Variants in PIGS observed in about 807,000 individuals in gnomAD.
The protein encoded by PIGS is GPI-anchor transamidase component PIGS.
A neutral mutation model predicts 58.2 loss-of-function variants in PIGS; 37 were observed. The ratio of observed to expected loss-of-function variants is 0.64; its 90% CI spans 0.49 to 0.84. The LOEUF is 0.84. Ranked by LOEUF, PIGS falls within the 40% of genes least tolerant of loss-of-function variation. The pLI, the probability that PIGS is intolerant of heterozygous loss-of-function variation, is 0.00. For missense variants in PIGS, 629 were observed against 710.8 expected (o/e 0.88, Z 1.31); for synonymous variants, 269 against 289.2 (o/e 0.93, Z 0.71).
intron 3 of PIGS, among the ~76,000 whole-genome samples, chr17:28,566,226 CAAAAAAA>C (rs35456812): frequency 1.8e-5 from 1 of 55,632 alleles, no homozygotes; most frequent in Non-Finnish European, 3.5e-5. Flanking sequence ...GACCCTATCT[CAAAAAAA>C]AAAAAAAAAA....
Position 28,554,082 on chromosome 17 carries a change from T to C in PIGS, c.*138A>G. The C allele has an allele frequency of 1.8e-6, 2 of 1,124,276 alleles. No individual in the cohort carries two copies. Among genetic ancestry groups the C allele is most frequent in the Non-Finnish European group, 2.5e-6 (2 of 785,830 alleles). The allele number at this position is 1,124,276 out of a possible 1,614,324, so 69.6% of individuals were successfully genotyped here. Reference sequence around the variant, plus strand: ...TGAACCCATCTTGGAGTGTTGTACTTTGGTTGCTGGAGAGCCAACAGTGGA... The same window carrying C: ...TGAACCCATCTTGGAGTGTTGTACTCTGGTTGCTGGAGAGCCAACAGTGGA... On this transcript the variant is annotated 3_prime_UTR_variant, in exon 12 of 12. Coordinates refer to ENST00000308360, the MANE Select transcript of PIGS (RefSeq NM_033198.4).
At position 28,560,046 on chromosome 17, in the gene PIGS, C is replaced by T. The variant is rs777349245; in HGVS notation, c.819+3G>A. On this transcript the variant is annotated splice_donor_region_variant and intron_variant, in intron 7 of 11. Coordinates refer to ENST00000308360, the MANE Select transcript of PIGS (RefSeq NM_033198.4). ...GGACTCCTCAACTTGCTCCCGGTCT[C>T]ACCTGAGAGTCCACAGAGAAGTTGC... The T allele has an allele frequency of 6.2e-6, 10 of 1,606,512 alleles. No homozygotes were observed. The highest frequency in any genetic ancestry group is 8.5e-6 in the Non-Finnish European group (10 of 1,177,624).
intron 6 of PIGS, among the ~76,000 whole-genome samples, chr17:28,561,028 C>T (rs1162177391): frequency 3.9e-5 from 6 of 151,946 alleles, no homozygotes; most frequent in East Asian, 3.9e-4. Flanking sequence ...GAAGCCGAGG[C>T]GGGCAGATCA....
Position 28,565,987 on chromosome 17 carries a change from C to T in PIGS, c.287-2080G>A, listed in dbSNP as rs779410844. On this transcript the variant is annotated intron_variant, in intron 3 of 11. Transcript: ENST00000308360. Reference sequence around the variant, plus strand: ...CGGACGATGCAGTGAGCTGAGATTGCGCCACTGCACTCCAGCCTGGGTGAC... The same window carrying T: ...CGGACGATGCAGTGAGCTGAGATTGTGCCACTGCACTCCAGCCTGGGTGAC... 1.4e-4 allele frequency among the ~76,000 whole-genome samples: 22 copies of T among 152,046 alleles called. No individual in the cohort carries two copies. The East Asian group carries it at 2.1e-3, about 15-fold the overall frequency.
chr17:28,553,961 T>C lies in PIGS; in HGVS notation c.*259A>G. 1 of 510,586 alleles carries C rather than the reference T, an allele frequency of 2.0e-6. No homozygotes were observed. The highest frequency in any genetic ancestry group is 3.4e-5 in the Admixed American group (1 of 29,382). The allele number at this position is 510,586 out of a possible 1,614,324, so 31.6% of individuals were successfully genotyped here. The stretch of plus-strand genomic sequence containing the variant: ...CCACAGAGGGAGACAGGCAGCAGCC[T>C]TATCAAACAAGATAAGGAGACCCGG... On this transcript the variant is annotated 3_prime_UTR_variant, in exon 12 of 12. Transcript: ENST00000308360.
chr17:28,564,002 A>C, intron 3 of PIGS, 95 bp from the exon 4 acceptor site: 1 of 1,047,280 alleles, frequency 9.5e-7, no homozygotes, highest in Non-Finnish European at 1.4e-6. Flanking sequence ...TGAGGACAGC[A>C]AGATGGCTGT....
Position 28,570,961 on chromosome 17 carries a change from G to A in PIGS, c.177C>T (p.Leu59=), listed in dbSNP as rs1437844352. Residue 59 remains leucine, a splice_region_variant and synonymous_variant, in exon 3 of 12, where the codon CTC becomes CTT. Coordinates refer to ENST00000308360, the MANE Select transcript of PIGS (RefSeq NM_033198.4). ...SQISGLNALQ[L]RLMVPVTVVF... ...CGACAGTGACAGGCACCATGAGGCG[G>A]AGCTACAGGAAGGAGCATCAGGGCC... 6.2e-7 allele frequency: 1 copy of A among 1,614,246 alleles called. No individual in the cohort carries two copies. Among genetic ancestry groups the A allele is most frequent in the Non-Finnish European group, 8.5e-7 (1 of 1,180,046 alleles).
Position 28,556,949 on chromosome 17 carries a change from G to C in PIGS, c.958C>G (p.Pro320Ala). ...ACGTAGAGTAGAAAGTTGAGCACAGGGTACAAGGAGGCAGCACTGGATCCT... is the reference window on the plus strand; with the variant it reads ...ACGTAGAGTAGAAAGTTGAGCACAGCGTACAAGGAGGCAGCACTGGATCCT... ...RLGSSAASLY[P>A]VLNFLLYVPE... The change falls in exon 9 of 12, where the codon CCT (proline) becomes GCT (alanine). Residue 320 changes from proline (P) to alanine (A), a missense_variant. Pro to Ala is a conservative substitution (Grantham distance 27). Coordinates refer to ENST00000308360, the MANE Select transcript of PIGS (RefSeq NM_033198.4). The C allele has an allele frequency of 6.2e-7, 1 of 1,614,110 alleles. No individual in the cohort carries two copies. The highest frequency in any genetic ancestry group is 8.5e-7 in the Non-Finnish European group (1 of 1,180,008).
chr17:28,561,211 T>C (rs2070362082), intron 6 of PIGS, among the ~76,000 whole-genome samples: 1 of 152,068 alleles, frequency 6.6e-6, no homozygotes, highest in Non-Finnish European at 1.5e-5. Flanking sequence ...TGAGCCGAGA[T>C]AGTGCCACTG....
chr17:28,561,646 G>C lies in PIGS; in HGVS notation c.469-17C>G. 1 of 1,601,340 alleles carries C rather than the reference G, an allele frequency of 6.2e-7. No homozygotes were observed. Among genetic ancestry groups the C allele is most frequent in the Non-Finnish European group, 8.5e-7 (1 of 1,172,838 alleles). Reference sequence around the variant, plus strand: ...CATCATGTCCTGTGGGGGTGAGCAAGAGACAGAATGCCCATGGCTCAGAAA... The same window carrying C: ...CATCATGTCCTGTGGGGGTGAGCAACAGACAGAATGCCCATGGCTCAGAAA... On this transcript the variant is annotated splice_polypyrimidine_tract_variant and intron_variant, in intron 5 of 11. Coordinates refer to ENST00000308360, the MANE Select transcript of PIGS (RefSeq NM_033198.4).
At position 28,563,846 on chromosome 17, in the gene PIGS, C is replaced by T; in HGVS notation, c.348G>A (p.Glu116=). Residue 116 remains glutamate (E), a synonymous_variant, in exon 4 of 12, where the codon GAG becomes GAA. Transcript: ENST00000308360. The part of the protein sequence containing the change: ...KAYRRALDHE[E]EALSSGSVQE... ...GCACACTGCCCGATGACAGGGCCTC[C>T]TCCTCATGGTCCAAAGCCCTCCGAT... is the stretch of plus-strand genomic sequence containing the variant. 6.2e-7 allele frequency: 1 copy of T among 1,614,116 alleles called. No homozygotes were observed.
Position 28,556,270 on chromosome 17 carries a change from A to C in PIGS, c.1081-4T>G, listed in dbSNP as rs763806815. The C allele has an allele frequency of 3.1e-6, 5 of 1,596,238 alleles. No homozygotes were observed. Among genetic ancestry groups the C allele is most frequent in the Non-Finnish European group, 4.3e-6 (5 of 1,163,704 alleles). ...TTTTGGAGTCAACATTATATACCTG[A>C]AAGGGGGAATGAGATTGCCACAACA... On this transcript the variant is annotated splice_polypyrimidine_tract_variant and splice_region_variant and intron_variant, in intron 9 of 11. Coordinates refer to ENST00000308360, the MANE Select transcript of PIGS (RefSeq NM_033198.4).
rs150744068 is a variant in PIGS, at chr17:28,553,600, G to A, written c.*620C>T. The A allele has an allele frequency of 6.3e-4, 97 of 153,714 alleles. No individual in the cohort carries two copies. The highest frequency in any genetic ancestry group is 6.0e-4 in the Non-Finnish European group (42 of 69,428). 9.5% of individuals were successfully genotyped at this position (153,714 alleles called of 1,614,324 possible). On this transcript the variant is annotated 3_prime_UTR_variant, in exon 12 of 12. Transcript: ENST00000308360. ...TGCAAAAACAAGGATTTGAATTCAG[G>A]ACTGTTTGATTCCAAATCTGGAACT...
chr17:28,564,544 T>A (rs1271629788), intron 3 of PIGS, among the ~76,000 whole-genome samples: 1 of 151,748 alleles, frequency 6.6e-6, no homozygotes, highest in African/African-American at 2.4e-5. Flanking sequence ...TGAAACCCCA[T>A]CTCTACCAAA....
intron 8 of PIGS, among the ~76,000 whole-genome samples, chr17:28,558,225 G>C (rs1417127794): frequency 6.6e-6 from 1 of 152,214 alleles, no homozygotes; most frequent in African/African-American, 2.4e-5. Context: ...AAGACCACTT[G>C]AGTCCAGGAG....
chr17:28,560,819 A>G (rs1325241174), intron 6 of PIGS, among the ~76,000 whole-genome samples: 2 of 152,016 alleles, frequency 1.3e-5, no homozygotes, highest in African/African-American at 4.8e-5. Context: ...TTAGCCAGAC[A>G]TGGTGGCATG....
At chr17:28,565,056 A>G (rs991687115) in intron 3 of PIGS, among the ~76,000 whole-genome samples, 1 of 152,258 alleles carries the variant, frequency 6.6e-6, no homozygotes, top group African/African-American at 2.4e-5. Flanking sequence ...AAAACTTAAA[A>G]GTATTGGAAA....
rs757614799 is a variant in PIGS, at chr17:28,558,525, C to T, written c.885G>A (p.Leu295=). ...TGACATGGGGGAGGCTGTGCATGTC[C>T]AAATAGTAGCTGGAGGAAGCTGAGT... ...RFDSASSSYY[L]DMHSLPHVIN... is the part of the protein sequence containing the mutation. The change falls in exon 8 of 12, where the codon TTG becomes TTA. Residue 295 remains leucine (L), a synonymous_variant. Coordinates refer to ENST00000308360, the MANE Select transcript of PIGS (RefSeq NM_033198.4). The T allele has an allele frequency of 1.2e-6, 2 of 1,613,264 alleles. No individual in the cohort carries two copies. Among genetic ancestry groups the T allele is most frequent in the Non-Finnish European group, 1.7e-6 (2 of 1,179,782 alleles).
chr17:28,569,133 T>TTG, intron 3 of PIGS, among the ~76,000 whole-genome samples: 1 of 149,886 alleles, frequency 6.7e-6, no homozygotes, highest in Middle Eastern at 3.5e-3. Context: ...AACCAGAAGT[T>TTG]TGTGTGTGTA....
Sources: gnomAD v4.1 joint callset for allele counts (sites outside exome capture counted in the v4.1 genomes callset) on GRCh38, gnomAD v4.1.1 for gene constraint, MANE v1.5 for transcripts, NCBI Gene and HGNC (gene_info 2026-07-23, HGNC 2026-07-21) for gene names.